The following ASTN2 variants were observed in gnomAD, a reference collection of about 807,000 sequenced individuals.
ASTN2 encodes the protein astrotactin-2.
ASTN2 carries 54 observed loss-of-function variants against 139.8 expected under a neutral mutation model. The ratio of observed to expected loss-of-function variants is 0.39; its 90% confidence interval spans 0.31 to 0.48. The LOEUF (loss-of-function observed/expected upper bound fraction) is 0.48. ASTN2 is among the 20% of genes least tolerant of loss of function. The probability of loss-of-function intolerance (pLI) is 0.95; values close to 1 mark genes in which losing one functional copy is unlikely to be tolerated. For missense variants in ASTN2, 1,565 were observed against 1,725.1 expected (o/e 0.91, Z 1.64); for synonymous variants, 756 against 719.5 (o/e 1.05, Z -0.81).
chr9:117,194,598 C>T (rs552484866), intron 3 of ASTN2, among the ~76,000 whole-genome samples: 15 of 152,280 alleles, frequency 9.9e-5, no homozygotes, highest in African/African-American at 2.6e-4. Context: ...TGCTGTTCAA[C>T]GTTGTGGATA....
chr9:116,855,596 C>G (rs1331058220), intron 11 of ASTN2, among the ~76,000 whole-genome samples: 3 of 152,200 alleles, frequency 2.0e-5, no homozygotes, highest in Non-Finnish European at 4.4e-5. Context: ...AAGTGCCCCT[C>G]TCTTCATGCT....
chr9:116,915,411 A>C lies in ASTN2; in HGVS notation c.1890-51678T>G, dbSNP rs191486285. ...CTCAAGTTCCTGACATAGAGCTCCC[A>C]AAACCCTTGTAATGTCCTGACTGGT... On this transcript the variant is annotated intron_variant, in intron 10 of 22. Transcript: ENST00000313400. 8.1e-4 allele frequency among the ~76,000 whole-genome samples: 123 copies of C among 152,268 alleles called. 2 individuals carry two copies. The highest frequency in any genetic ancestry group is 6.0e-3 in the East Asian group (31 of 5,170).
chr9:117,196,702 C>A (rs1352183046), intron 3 of ASTN2, among the ~76,000 whole-genome samples: 3 of 152,100 alleles, frequency 2.0e-5, no homozygotes, highest in Admixed American at 6.5e-5. Context: ...TTCATGGTAA[C>A]TATGAGGACT....
chr9:116,725,685 G>A, intron 16 of ASTN2, 86 bp downstream of exon 16: 1 of 1,381,658 alleles, frequency 7.2e-7, no homozygotes, highest in South Asian at 1.4e-5. Context: ...CCAGGATTTA[G>A]ATCCAAGGCA....
chr9:116,791,552 T>C (rs1436448566), intron 13 of ASTN2, among the ~76,000 whole-genome samples: 1 of 152,174 alleles, frequency 6.6e-6, no homozygotes, highest in Non-Finnish European at 1.5e-5. Flanking sequence ...CAGAAGACAC[T>C]TAAGAGAACA....
intron 20 of ASTN2, among the ~76,000 whole-genome samples, chr9:116,458,213 G>A (rs1360732024): frequency 2.6e-5 from 4 of 151,810 alleles, no homozygotes. Context: ...CAGAGGCTAG[G>A]AAGGGCAGTG....
chr9:116,429,759 T>C (rs1432707170), intron 22 of ASTN2, among the ~76,000 whole-genome samples: 1 of 152,076 alleles, frequency 6.6e-6, no homozygotes, highest in Non-Finnish European at 1.5e-5. Context: ...CAGACAGAAA[T>C]ATTAACATTC....
intron 13 of ASTN2, among the ~76,000 whole-genome samples, chr9:116,775,652 G>GGGAAGGGAAGGAGGGTGAGA (rs1210676154): frequency 8.0e-6 from 1 of 124,268 alleles, no homozygotes; most frequent in African/African-American, 3.0e-5. Context: ...AGGACAGGAA[G>GGGAAGGGAAGGAGGGTGAGA]GGAAGGGAAG....
chr9:117,089,407 C>T (rs1828646517), intron 5 of ASTN2, among the ~76,000 whole-genome samples: 1 of 152,124 alleles, frequency 6.6e-6, no homozygotes, highest in African/African-American at 2.4e-5. Flanking sequence ...CTGTAAAATG[C>T]CATCAGAATT....
At chr9:117,375,671 C>CT in intron 1 of ASTN2, among the ~76,000 whole-genome samples, 1 of 152,334 alleles carries the variant, frequency 6.6e-6, no homozygotes, top group African/African-American at 2.4e-5. Flanking sequence ...GCCCTACAGA[C>CT]TTTAAGCCCA....
intron 16 of ASTN2, chr9:116,700,005 C>G: frequency 2.2e-6 from 1 of 447,064 alleles, no homozygotes; most frequent in South Asian, 3.3e-5. Context: ...CACTTTAGCC[C>G]TTTGTGCCAT....
chr9:117,232,788 A>AT (rs913040271), intron 2 of ASTN2, among the ~76,000 whole-genome samples: 7 of 151,402 alleles, frequency 4.6e-5, no homozygotes, highest in East Asian at 3.9e-4. Flanking sequence ...GTTGGGAGCA[A>AT]TTTTTTTTCT....
intron 16 of ASTN2, among the ~76,000 whole-genome samples, chr9:116,704,380 T>C (rs1022959593): frequency 3.9e-5 from 6 of 152,208 alleles, no homozygotes; most frequent in African/African-American, 1.4e-4. Context: ...CTTGATATAA[T>C]TGCTTCTCTA....
At chr9:116,896,059 A>G (rs756563682) in intron 10 of ASTN2, among the ~76,000 whole-genome samples, 1 of 152,240 alleles carries the variant, frequency 6.6e-6, no homozygotes, top group South Asian at 2.1e-4. Flanking sequence ...TGTCCTTGTT[A>G]AGTGCAGAAA....
intron 17 of ASTN2, among the ~76,000 whole-genome samples, chr9:116,621,078 C>T (rs1856121408): frequency 6.6e-6 from 1 of 152,202 alleles, no homozygotes; most frequent in Non-Finnish European, 1.5e-5. Context: ...CATGCACCCA[C>T]ATCATTTCCA....
chr9:116,964,663 C>A (rs564434689), intron 10 of ASTN2, among the ~76,000 whole-genome samples: 58 of 152,262 alleles, frequency 3.8e-4, no homozygotes, highest in African/African-American at 1.4e-3. Context: ...CTATAGGACA[C>A]AATTCAAGGG....
chr9:117,045,980 G>GTACGTACGTACA (rs1838727600), intron 5 of ASTN2, among the ~76,000 whole-genome samples: 1 of 123,354 alleles, frequency 8.1e-6, no homozygotes, highest in Non-Finnish European at 1.8e-5. Context: ...ATGTATGTAT[G>GTACGTACGTACA]TACGTACGTA....
At chr9:116,496,646 G>A (rs1432098672) in intron 19 of ASTN2, among the ~76,000 whole-genome samples, 1 of 152,126 alleles carries the variant, frequency 6.6e-6, no homozygotes. Flanking sequence ...GTTGGGTCCT[G>A]TTTTAGTCTA....
At chr9:116,565,724 C>A (rs2131675892) in intron 19 of ASTN2, among the ~76,000 whole-genome samples, 1 of 152,036 alleles carries the variant, frequency 6.6e-6, no homozygotes, top group Non-Finnish European at 1.5e-5. Flanking sequence ...CTCAAGAGAT[C>A]CACCTGTCTC....
Sources: allele counts gnomAD v4.1 joint callset (sites outside exome capture counted in the v4.1 genomes callset), GRCh38; gene constraint gnomAD v4.1.1; transcripts MANE v1.5; gene names NCBI Gene and HGNC (gene_info 2026-07-23, HGNC 2026-07-21).